The following RBMS3 variants were observed in gnomAD, a reference collection of about 807,000 sequenced individuals.
RBMS3 encodes the protein RNA binding motif single stranded interacting protein 3, also known as RNA-binding motif, single-stranded-interacting protein 3.
Under a neutral mutation model 66.8 loss-of-function variants are expected in RBMS3, and 27 were observed. That is an observed-to-expected ratio of 0.40 (90% confidence interval 0.30 to 0.56). The LOEUF is 0.56. Among genes scored for constraint, RBMS3 ranks in the 20% least tolerant of loss-of-function variants. The pLI is 0.40. For synonymous variants in RBMS3, 188 were observed against 183.0 expected (o/e 1.03, Z -0.22); for missense variants, 513 against 549.5 (o/e 0.93, Z 0.66).
chr3:29,533,912 T>C (rs1312880690), intron 3 of RBMS3, among the ~76,000 whole-genome samples: 1 of 152,254 alleles, frequency 6.6e-6, no homozygotes, highest in Non-Finnish European at 1.5e-5. Context: ...GCCAAGTAAG[T>C]ATTCACCAAG....
chr3:29,816,508 T>C (rs1177202728), intron 6 of RBMS3, among the ~76,000 whole-genome samples: 4 of 151,732 alleles, frequency 2.6e-5, no homozygotes, highest in Middle Eastern at 3.4e-3. Context: ...TAAAACCAAC[T>C]TTTTTTTTGT....
rs375852595 is a variant in RBMS3, at chr3:29,499,902, G to A, written c.307+11403G>A. ...TGTCAAAAAACACACTGGGCCTTGG[G>A]CTTAAGGGTAGTGTGAAAAATAACC... On this transcript the variant is annotated intron_variant, in intron 3 of 14. Transcript: ENST00000383767. Among the ~76,000 whole-genome samples, 77 of 152,220 alleles carry A rather than the reference G, an allele frequency of 5.1e-4. No homozygotes were observed. In the South Asian group the frequency reaches 0.011, roughly 21 times the overall value.
chr3:29,779,724 T>TATATATATATATAA (rs1559662703), intron 6 of RBMS3, among the ~76,000 whole-genome samples: 1 of 145,688 alleles, frequency 6.9e-6, no homozygotes, highest in Non-Finnish European at 1.5e-5. Flanking sequence ...TATATATATA[T>TATATATATATATAA]AAACAACCCC....
intron 6 of RBMS3, among the ~76,000 whole-genome samples, chr3:29,775,283 A>G (rs2056387507): frequency 6.7e-6 from 1 of 150,364 alleles, no homozygotes; most frequent in Non-Finnish European, 1.5e-5. Context: ...TTTTTGGTAA[A>G]CAAGCATTCA....
intron 1 of RBMS3, among the ~76,000 whole-genome samples, chr3:29,290,170 A>C (rs1459312864): frequency 1.3e-5 from 2 of 151,914 alleles, no homozygotes; most frequent in Non-Finnish European, 2.9e-5. Context: ...AACACTTGTC[A>C]ATCATATAAA....
At chr3:29,394,736 C>A (rs1248591590) in intron 1 of RBMS3, among the ~76,000 whole-genome samples, 1 of 152,186 alleles carries the variant, frequency 6.6e-6, no homozygotes, top group Non-Finnish European at 1.5e-5. Flanking sequence ...CTCCTAAGTC[C>A]TCACAGTGGC....
At chr3:29,576,057 C>T (rs1422460117) in intron 3 of RBMS3, among the ~76,000 whole-genome samples, 2 of 152,028 alleles carry the variant, frequency 1.3e-5, no homozygotes. Context: ...GATTTTGATG[C>T]TTGTAGGTGT....
intron 2 of RBMS3, among the ~76,000 whole-genome samples, chr3:29,438,900 G>A (rs933367019): frequency 1.3e-5 from 2 of 152,200 alleles, no homozygotes; most frequent in Admixed American, 1.3e-4. Flanking sequence ...GTGCAAAAGA[G>A]AGAGGAGCAT....
At chr3:29,889,816 G>T (rs915905883) in intron 8 of RBMS3, among the ~76,000 whole-genome samples, 127 of 151,658 alleles carry the variant, frequency 8.4e-4, no homozygotes, top group Non-Finnish European at 5.2e-4. Context: ...ACTAGGAAAT[G>T]TGACAGATGA....
chr3:29,697,943 T>C (rs1033003462), intron 4 of RBMS3, among the ~76,000 whole-genome samples: 6 of 152,236 alleles, frequency 3.9e-5, no homozygotes, highest in Non-Finnish European at 7.3e-5. Flanking sequence ...CTGCCTGATA[T>C]GCTTAGTAGT....
At chr3:29,672,562 C>T (rs914385118) in intron 4 of RBMS3, among the ~76,000 whole-genome samples, 2 of 151,920 alleles carry the variant, frequency 1.3e-5, no homozygotes, top group African/African-American at 2.4e-5. Flanking sequence ...CAGAGACAGA[C>T]ATAGGCTAAA....
intron 12 of RBMS3, among the ~76,000 whole-genome samples, chr3:29,971,690 G>A (rs1161606361): frequency 2.0e-5 from 3 of 152,022 alleles, no homozygotes; most frequent in Non-Finnish European, 2.9e-5. Context: ...CAACCATAAC[G>A]AATTAGGCAT....
intron 3 of RBMS3, among the ~76,000 whole-genome samples, chr3:29,554,086 C>G (rs903917637): frequency 6.6e-6 from 1 of 152,168 alleles, no homozygotes; most frequent in Non-Finnish European, 1.5e-5. Context: ...AAGATATCAA[C>G]TGTATTTATT....
intron 6 of RBMS3, among the ~76,000 whole-genome samples, chr3:29,805,868 A>G (rs1267230643): frequency 1.3e-5 from 2 of 152,050 alleles, no homozygotes; most frequent in Admixed American, 1.3e-4. Context: ...CTAAGTATAC[A>G]GTAGTATACA....
chr3:29,288,390 A>G (rs1308122866), intron 1 of RBMS3, among the ~76,000 whole-genome samples: 1 of 152,030 alleles, frequency 6.6e-6, no homozygotes, highest in Non-Finnish European at 1.5e-5. Flanking sequence ...CACTGAGAGA[A>G]ACACGTCCAT....
chr3:29,723,132 C>T (rs945993308), intron 4 of RBMS3, among the ~76,000 whole-genome samples: 57 of 148,070 alleles, frequency 3.8e-4, no homozygotes, highest in Non-Finnish European at 7.2e-4. Flanking sequence ...CACATCCCCA[C>T]GCCTGGCTAA....
intron 6 of RBMS3, among the ~76,000 whole-genome samples, chr3:29,847,647 T>G (rs2058815496): frequency 7.7e-6 from 1 of 130,340 alleles, no homozygotes; most frequent in Admixed American, 7.0e-5. Flanking sequence ...TGTGTTTTAT[T>G]TTTTTTTTTT....
intron 1 of RBMS3, among the ~76,000 whole-genome samples, chr3:29,330,206 A>C (rs773070522): frequency 1.3e-5 from 2 of 152,060 alleles, no homozygotes; most frequent in African/African-American, 4.8e-5. Flanking sequence ...TGAATATACC[A>C]CTGTGTGGGA....
At chr3:29,605,706 C>T (rs548904579) in intron 4 of RBMS3, among the ~76,000 whole-genome samples, 2 of 151,934 alleles carry the variant, frequency 1.3e-5, no homozygotes, top group East Asian at 1.9e-4. Flanking sequence ...TTCTACAAGG[C>T]GGGGAACAGT....
Sources: gnomAD v4.1 joint callset for allele counts (sites outside exome capture counted in the v4.1 genomes callset) on GRCh38, gnomAD v4.1.1 for gene constraint, MANE v1.5 for transcripts, NCBI Gene and HGNC (gene_info 2026-07-23, HGNC 2026-07-21) for gene names.